The following NUP160 variants were observed in gnomAD, a reference collection of about 807,000 sequenced individuals.
NUP160 encodes nucleoporin 160, also known as nuclear pore complex protein Nup160.
Under a neutral mutation model 196.9 loss-of-function variants are expected in NUP160, and 94 were observed. That is an observed-to-expected ratio of 0.48 (90% CI 0.40 to 0.57). The LOEUF (loss-of-function observed/expected upper bound fraction) is 0.57, where lower values mean the gene tolerates loss of function less well. Among genes scored for constraint, NUP160 ranks in the 20% least tolerant of loss-of-function variants. The pLI is 0.00. For synonymous variants in NUP160, 605 were observed against 619.7 expected (o/e 0.98, Z 0.35); for missense variants, 1,638 against 1,748.3 (o/e 0.94, Z 1.13).
chr11:47,793,446 T>C (rs188059179), intron 27 of NUP160, among the ~76,000 whole-genome samples: 21 of 152,030 alleles, frequency 1.4e-4, no homozygotes, highest in African/African-American at 3.6e-4. Flanking sequence ...GTACTGTTGC[T>C]GGGAATGTCA....
intron 11 of NUP160, among the ~76,000 whole-genome samples, chr11:47,816,852 C>T (rs1851737604): frequency 6.6e-6 from 1 of 151,960 alleles, no homozygotes; most frequent in African/African-American, 2.4e-5. Flanking sequence ...GCCATGTTAC[C>T]CAGGCTGGTC....
intron 20 of NUP160, among the ~76,000 whole-genome samples, chr11:47,805,319 C>T (rs957479767): frequency 6.6e-6 from 1 of 151,888 alleles, no homozygotes; most frequent in African/African-American, 2.4e-5. Flanking sequence ...TTTGTAGAGG[C>T]GAGGTTTCAC....
At position 47,821,659 on chromosome 11, in the gene NUP160, CTCTCG is replaced by C; in HGVS notation, c.1277+60_1277+64del. On this transcript the variant is annotated intron_variant, in intron 9 of 35. Coordinates refer to ENST00000378460, the Ensembl canonical transcript of NUP160. The stretch of plus-strand genomic sequence containing the variant: ...ACAGGCATGAGACACGGCGCCCGGC[CTCTCG>C]TCTTCTTAGCATGAAATTGCTTGGG... 2.4e-6 allele frequency: 3 copies of C among 1,230,590 alleles called. No homozygotes were observed. The South Asian group carries it at 3.6e-5, about 15-fold the overall frequency. The allele number at this position is 1,230,590 out of a possible 1,614,324, so 76.2% of individuals were successfully genotyped here. A position where few individuals can be genotyped will look rare whatever the true frequency, so the allele number is the denominator to read the frequency against.
rs539651656 is a variant in NUP160, at chr11:47,837,618, C to A, written c.754G>T (p.Val252Leu). The A allele has an allele frequency of 6.2e-6, 10 of 1,613,562 alleles. No homozygotes were observed. In the South Asian group the frequency reaches 8.8e-5, roughly 14 times the overall value. The change falls in exon 5 of 36, where the codon GTG (valine) becomes TTG (leucine). Residue 252 changes from valine (V) to leucine (L), a missense_variant. Physicochemically the swap from Val to Leu is conservative, Grantham distance 32 (BLOSUM62 1). Coordinates refer to ENST00000378460, the Ensembl canonical transcript of NUP160. ...CTCTGTTTCAGTTCCACGACTGACA[C>A]CATACCTGCAATGATATCCAAGGCA...
At chr11:47,806,980 T>C (rs2097678122) in intron 19 of NUP160, 90 bp downstream of exon 19, 1 of 930,394 alleles carries the variant, frequency 1.1e-6, no homozygotes, top group African/African-American at 1.6e-5. Context: ...TAGCCAACCT[T>C]TCTATGGCAA....
intron 7 of NUP160, among the ~76,000 whole-genome samples, chr11:47,824,008 C>CATATAT (rs58246222): frequency 1.6e-3 from 119 of 73,106 alleles, no homozygotes; most frequent in East Asian, 4.1e-3. Flanking sequence ...AATTCTTTTG[C>CATATAT]ATATATATAT....
At chr11:47,837,583 C>G in exon 5 of NUP160, 1 of 1,614,168 alleles carries the variant, frequency 6.2e-7, no homozygotes, top group Non-Finnish European at 8.5e-7. Context: ...GCAATCGTTG[C>G]ATTACTGAAC....
chr11:47,845,873 C>T (rs1031628568), intron 2 of NUP160, among the ~76,000 whole-genome samples: 9 of 152,078 alleles, frequency 5.9e-5, no homozygotes, highest in African/African-American at 2.2e-4. Context: ...TGGCTTACGC[C>T]TGTAATCCTA....
intron 2 of NUP160, among the ~76,000 whole-genome samples, chr11:47,843,290 C>T (rs10742824): frequency 0.35 from 52,585 of 152,022 alleles, 10,559 homozygotes; most frequent in South Asian, 0.52. Context: ...ACTACTGCAG[C>T]AATTCCTGAC....
chr11:47,830,981 T>C (rs1420692473), intron 7 of NUP160, among the ~76,000 whole-genome samples: 5 of 151,930 alleles, frequency 3.3e-5, no homozygotes, highest in Admixed American at 2.6e-4. Context: ...CTGGCCAACA[T>C]GGTGAAACCC....
intron 17 of NUP160, 78 bp downstream of exon 17, chr11:47,811,986 C>T (rs1472410913): frequency 1.5e-6 from 2 of 1,335,678 alleles, no homozygotes; most frequent in African/African-American, 1.5e-5. Flanking sequence ...GCTAGTAGGG[C>T]TGACATTTTG....
At chr11:47,801,297 C>T (rs1227850446) in intron 23 of NUP160, among the ~76,000 whole-genome samples, 1 of 152,158 alleles carries the variant, frequency 6.6e-6, no homozygotes, top group Admixed American at 6.5e-5. Flanking sequence ...CACCATTTAA[C>T]CCTAATTATA....
intron 2 of NUP160, among the ~76,000 whole-genome samples, chr11:47,847,420 T>C (rs1353021032): frequency 1.3e-5 from 2 of 152,272 alleles, no homozygotes; most frequent in Non-Finnish European, 2.9e-5. Context: ...TATTCTGACA[T>C]TGCTACAACG....
At chr11:47,808,513 C>T (rs766897969) in exon 18 of NUP160, 3 of 1,613,836 alleles carry the variant, frequency 1.9e-6, no homozygotes, top group Admixed American at 1.7e-5. Flanking sequence ...AAAGAGCTGA[C>T]CAGTTCCCCA....
In NUP160 at chr11:47,807,212, C is replaced by T. The variant is rs763315349; in HGVS notation, c.2376-72G>A. 1.0e-4 allele frequency: 90 copies of T among 892,632 alleles called. 1 individual carries two copies. Among genetic ancestry groups the T allele is most frequent in the Admixed American group, 3.1e-4 (14 of 44,546 alleles). 55.3% of individuals were successfully genotyped at this position (892,632 alleles called of 1,614,324 possible). On this transcript the variant is annotated intron_variant, in intron 18 of 35. Transcript: ENST00000378460. ...AACATTACTTCTACAAGCTCTTCTA[C>T]GAAGAACACTGTCAATTTAATTAAT...
intron 19 of NUP160, 75 bp from the exon 20 acceptor site, chr11:47,806,387 A>T: frequency 4.2e-6 from 5 of 1,189,670 alleles, no homozygotes; most frequent in Non-Finnish European, 6.0e-6. Context: ...CTATCAATTC[A>T]TTTTATGCTT....
At chr11:47,823,174 C>T (rs1399126893) in intron 7 of NUP160, among the ~76,000 whole-genome samples, 1 of 152,174 alleles carries the variant, frequency 6.6e-6, no homozygotes, top group African/African-American at 2.4e-5. Flanking sequence ...TTCACCCACA[C>T]AGGCCAGGTA....
chr11:47,825,407 G>A (rs1207968626), intron 7 of NUP160, among the ~76,000 whole-genome samples: 1 of 149,998 alleles, frequency 6.7e-6, no homozygotes, highest in Non-Finnish European at 1.5e-5. Flanking sequence ...AGCCTCCCAA[G>A]TAGCTGGGAT....
chr11:47,830,560 CAT>C (rs949721048), intron 7 of NUP160, among the ~76,000 whole-genome samples: 1 of 152,056 alleles, frequency 6.6e-6, no homozygotes, highest in Non-Finnish European at 1.5e-5. Context: ...TTTGTGGAAA[CAT>C]GGATGGAAGT....
Sources: gnomAD v4.1 joint callset for allele counts (sites outside exome capture counted in the v4.1 genomes callset) on GRCh38, gnomAD v4.1.1 for gene constraint, MANE v1.5 for transcripts, NCBI Gene and HGNC (gene_info 2026-07-23, HGNC 2026-07-21) for gene names.